Variants in FNBP1 observed in about 807,000 individuals in gnomAD.
The protein encoded by FNBP1 is formin-binding protein 1.
In FNBP1, 26 loss-of-function variants were observed where a neutral mutation model predicts 90.6. That is an observed-to-expected ratio of 0.29 (90% confidence interval 0.21 to 0.40). The LOEUF (loss-of-function observed/expected upper bound fraction) is 0.40, where lower values mean the gene tolerates loss of function less well. Among genes scored for constraint, FNBP1 ranks in the 10% least tolerant of loss-of-function variants. The pLI is 1.00. For missense variants in FNBP1, 635 were observed against 768.0 expected (o/e 0.83, Z 2.05); for synonymous variants, 260 against 265.2 (o/e 0.98, Z 0.19).
At chr9:129,914,329 T>G (rs1490050688) in intron 11 of FNBP1, among the ~76,000 whole-genome samples, 1 of 152,120 alleles carries the variant, frequency 6.6e-6, no homozygotes, top group African/African-American at 2.4e-5. Flanking sequence ...CAAACCACCG[T>G]GCCCAGCCAG....
chr9:130,007,251 A>AAAG lies in FNBP1; in HGVS notation c.25-12294_25-12293insCTT, dbSNP rs1554852424. Among the ~76,000 whole-genome samples, 14 of 148,990 alleles carry AAAG rather than the reference A, an allele frequency of 9.4e-5. No homozygotes were observed. In the East Asian group the frequency reaches 2.1e-3, roughly 23 times the overall value. ...AGTGAGATCCTGTCAAAAAAAAAAA[A>AAAG]AAAAAAGAAAAAAAAAAAGAATGCA... On this transcript the variant is annotated intron_variant, in intron 1 of 16. Coordinates refer to ENST00000446176, the MANE Select transcript of FNBP1 (RefSeq NM_015033.3).
intron 1 of FNBP1, among the ~76,000 whole-genome samples, chr9:129,996,751 G>C (rs940746744): frequency 2.6e-5 from 4 of 152,124 alleles, no homozygotes; most frequent in African/African-American, 9.7e-5. Flanking sequence ...CCAGGCTGGA[G>C]TGCAGTAGTG....
rs1051458344 is a variant in FNBP1 at position 129,890,792 on chromosome 9, A to G, written c.1847-246T>C. 1.3e-5 allele frequency among the ~76,000 whole-genome samples: 2 copies of G among 152,146 alleles called. No homozygotes were observed. Among genetic ancestry groups the G allele is most frequent in the African/African-American group, 4.8e-5 (2 of 41,454 alleles). On this transcript the variant is annotated intron_variant, in intron 16 of 16. Transcript: ENST00000446176. This position sits in a 1 kb window ranked among gnomAD's most constrained non-coding sequence, Gnocchi z 5.8. The stretch of plus-strand genomic sequence containing the variant: ...TTCCTTCAGAGTTAAGAGAAGCCCA[A>G]ACAGGAGACTGATGAGGCCATCCGC...
rs1461414252 is a variant in FNBP1, at chr9:130,031,787, G to A, written c.24+11165C>T. On this transcript the variant is annotated intron_variant, in intron 1 of 16. Transcript: ENST00000446176. The surrounding 1 kb of genome is among the most constrained non-coding windows in gnomAD (Gnocchi z 4.2). ...AGCGATTCTCCTGCCTCAGCCTCCC[G>A]AGTAGCTGGGATTACAGGCGAGCGC... 2.6e-5 allele frequency among the ~76,000 whole-genome samples: 4 copies of A among 151,782 alleles called. No individual in the cohort carries two copies. Among genetic ancestry groups the A allele is most frequent in the Admixed American group, 1.3e-4 (2 of 15,230 alleles).
At chr9:130,005,444 C>T (rs181755383) in intron 1 of FNBP1, among the ~76,000 whole-genome samples, 3,609 of 150,484 alleles carry the variant, frequency 0.024, 147 homozygotes, top group African/African-American at 0.082. Flanking sequence ...CGGGTTCAAG[C>T]GATTCTCCTG....
chr9:130,003,938 G>A (rs1418042912), intron 1 of FNBP1, among the ~76,000 whole-genome samples: 1 of 55,920 alleles, frequency 1.8e-5, no homozygotes. Context: ...AAAAAAAGTA[G>A]TCTTCTGTAA....
rs1440301279 is a variant in FNBP1 at position 129,969,639 on chromosome 9, A to G, written c.345+8826T>C. On this transcript the variant is annotated intron_variant, in intron 4 of 16. Coordinates refer to ENST00000446176, the MANE Select transcript of FNBP1 (RefSeq NM_015033.3). Reference sequence around the variant, plus strand: ...TAAACTACACTTTTGGCCAGGCACAACGGCTCACTCCTATAATCCCAGCAC... The same window carrying G: ...TAAACTACACTTTTGGCCAGGCACAGCGGCTCACTCCTATAATCCCAGCAC... 5.3e-5 allele frequency among the ~76,000 whole-genome samples: 8 copies of G among 151,996 alleles called. No individual in the cohort carries two copies. The East Asian group carries it at 1.5e-3, about 29-fold the overall frequency.
In FNBP1 at chr9:130,043,153, G is replaced by A. The variant is rs574018850; in HGVS notation, c.-178C>T. ...TCCTCGGCGGCTCCTCCTCCCCGCC[G>A]CTCCACAGCAAAATGGCCCGAGGAA... On this transcript the variant is annotated 5_prime_UTR_variant, in exon 1 of 17. Coordinates refer to ENST00000446176, the MANE Select transcript of FNBP1 (RefSeq NM_015033.3). The A allele has an allele frequency of 1.0e-3, 440 of 430,742 alleles. 2 individuals are homozygous for A. Among genetic ancestry groups the A allele is most frequent in the African/African-American group, 7.7e-3 (376 of 48,794 alleles). The allele number at this position is 430,742 out of a possible 1,614,324, so 26.7% of individuals were successfully genotyped here.
intron 1 of FNBP1, among the ~76,000 whole-genome samples, chr9:130,004,895 G>C (rs1264323375): frequency 3.3e-5 from 5 of 151,876 alleles, no homozygotes; most frequent in Non-Finnish European, 5.9e-5. Flanking sequence ...GTGAAACCCT[G>C]TCTCTACTAA....
At chr9:129,898,748 A>G (rs138974626) in intron 15 of FNBP1, among the ~76,000 whole-genome samples, 30 of 152,168 alleles carry the variant, frequency 2.0e-4, no homozygotes, top group African/African-American at 6.5e-4. Context: ...TCGGCCTCCC[A>G]AAGTGCTGGG....
At chr9:130,008,650 C>T (rs1005580938) in intron 1 of FNBP1, among the ~76,000 whole-genome samples, 8 of 152,144 alleles carry the variant, frequency 5.3e-5, no homozygotes, top group South Asian at 4.1e-4. Context: ...AACCTGAAAA[C>T]GGAATCTTCT....
intron 4 of FNBP1, among the ~76,000 whole-genome samples, chr9:129,962,931 G>A (rs2048033218): frequency 6.6e-6 from 1 of 152,054 alleles, no homozygotes; most frequent in Non-Finnish European, 1.5e-5. Flanking sequence ...AAACCATCTG[G>A]GCTCAACTGT....
chr9:129,929,571 A>G lies in FNBP1; in HGVS notation c.638T>C (p.Phe213Ser). The change falls in exon 7 of 17, where the codon TTC becomes TCC. Residue 213 changes from phenylalanine to serine, a missense_variant. Transcript: ENST00000446176. The stretch of plus-strand genomic sequence containing the variant: ...TGAGAGATGTTCAGGACTTACCTGG[A>G]AGATGTTGGGGATGTGAGTATGGTA... ...EYYHTHIPNI[F>S]QKIQEMEERR... The G allele has an allele frequency of 6.2e-7, 1 of 1,613,786 alleles. No homozygotes were observed. Among genetic ancestry groups the G allele is most frequent in the Non-Finnish European group, 8.5e-7 (1 of 1,179,712 alleles).
intron 4 of FNBP1, among the ~76,000 whole-genome samples, chr9:129,961,650 C>T (rs1213753153): frequency 6.6e-6 from 1 of 151,956 alleles, no homozygotes; most frequent in Non-Finnish European, 1.5e-5. Flanking sequence ...TCACTGAGAC[C>T]TCTGCCTCCC....
chr9:130,032,034 T>C (rs2058847905), intron 1 of FNBP1, among the ~76,000 whole-genome samples: 1 of 152,148 alleles, frequency 6.6e-6, no homozygotes, highest in African/African-American at 2.4e-5. Context: ...CTACCACCAC[T>C]ACTCCTCTTG....
At chr9:129,896,926 C>T (rs992666768) in intron 15 of FNBP1, among the ~76,000 whole-genome samples, 8 of 152,196 alleles carry the variant, frequency 5.3e-5, no homozygotes, top group East Asian at 1.9e-4. Context: ...CCACCACGCC[C>T]GGCCCAACTG....
At chr9:129,993,347 A>G (rs1413753651) in intron 2 of FNBP1, among the ~76,000 whole-genome samples, 1 of 152,020 alleles carries the variant, frequency 6.6e-6, no homozygotes, top group Non-Finnish European at 1.5e-5. Flanking sequence ...TACAACATGA[A>G]ATCATTAAGG....
chr9:129,923,715 T>C (rs2041462470), intron 10 of FNBP1, 129 bp downstream of exon 10: 1 of 1,101,612 alleles, frequency 9.1e-7, no homozygotes, highest in Non-Finnish European at 1.2e-6. Context: ...GTTTTTGTTT[T>C]TTTTTTTTTA....
chr9:129,918,369 G>C (rs1470566343), intron 10 of FNBP1, among the ~76,000 whole-genome samples: 1 of 152,172 alleles, frequency 6.6e-6, no homozygotes, highest in Non-Finnish European at 1.5e-5. Context: ...GAAATCATTG[G>C]CTAAAATAAT....
Sources: allele counts gnomAD v4.1 joint callset (sites outside exome capture counted in the v4.1 genomes callset), GRCh38; gene constraint gnomAD v4.1.1; non-coding constraint Gnocchi (gnomAD v3.1); transcripts MANE v1.5; gene names NCBI Gene and HGNC (gene_info 2026-07-23, HGNC 2026-07-21).